ERI2: variants seen among roughly 807,000 people sequenced by gnomAD.
ERI2 encodes the protein ERI1 exoribonuclease 2.
Under a neutral mutation model 46.8 loss-of-function variants are expected in ERI2, and 35 were observed. The observed-to-expected ratio is 0.75, with a 90% CI of 0.57 to 0.99. The LOEUF (loss-of-function observed/expected upper bound fraction) is 0.99, where lower values mean the gene tolerates loss of function less well. Ranked by LOEUF, ERI2 falls within the 50% of genes least tolerant of loss-of-function variation. The pLI is 0.00. For missense variants in ERI2, 695 were observed against 796.2 expected (o/e 0.87, Z 1.53); for synonymous variants, 224 against 271.0 (o/e 0.83, Z 1.70).
chr16:20,785,632 G>A (rs1282749848), intron 10 of ERI2, among the ~76,000 whole-genome samples: 3 of 152,056 alleles, frequency 2.0e-5, no homozygotes, highest in Non-Finnish European at 4.4e-5. Context: ...GAACAACAGT[G>A]GTTATTTTGT....
At chr16:20,806,278 G>C in intron 1 of ERI2, 130 bp downstream of exon 1, 1 of 1,451,214 alleles carries the variant, frequency 6.9e-7, no homozygotes, top group South Asian at 1.4e-5. Flanking sequence ...GAGAGGGCAG[G>C]TCGCAGACGC....
downstream of ERI2, among the ~76,000 whole-genome samples, chr16:20,791,557 T>C (rs1280099905): frequency 1.3e-5 from 2 of 152,242 alleles, no homozygotes; most frequent in African/African-American, 2.4e-5. Flanking sequence ...TTCATCTTTA[T>C]TTTCACAATC....
rs554041477 is a variant in ERI2, at chr16:20,785,106, C to T, written c.895-4372G>A. On this transcript the variant is annotated intron_variant, in intron 10 of 10. Transcript: ENST00000300005. ...TACGAAGGATATGGACAGACTGAAA[C>T]GGTACCTGACCTCACTGAAAAGACA... 91 of 1,612,768 alleles carry T rather than the reference C, an allele frequency of 5.6e-5. No homozygotes were observed. The East Asian group carries it at 1.2e-3, about 21-fold the overall frequency.
At chr16:20,781,057 T>C in intron 10 of ERI2, 1 of 1,614,236 alleles carries the variant, frequency 6.2e-7, no homozygotes, top group Non-Finnish European at 8.5e-7. Context: ...AGTAGTGTTT[T>C]TTCTCCGTGG....
rs1410207783 is a variant in ERI2 at position 20,797,051 on chromosome 16, G to A, written c.*673C>T. ...CTAGAAACCACAAGATGATGGAGAG[G>A]TCATAAAAACTGTGGTAGTATGCTT... On this transcript the variant is annotated 3_prime_UTR_variant, in exon 9 of 9. Coordinates refer to ENST00000357967, the MANE Select transcript of ERI2 (RefSeq NM_001142725.2). The A allele has an allele frequency of 3.5e-5, 54 of 1,537,144 alleles. No homozygotes were observed. The highest frequency in any genetic ancestry group is 4.5e-5 in the Non-Finnish European group (52 of 1,148,220).
rs542203778 is a variant in ERI2 at position 20,780,863 on chromosome 16, C to A, written c.895-129G>T. 2.5e-6 allele frequency: 4 copies of A among 1,614,182 alleles called. No individual in the cohort carries two copies. The African/African-American group carries it at 4.0e-5, about 16-fold the overall frequency. On this transcript the variant is annotated intron_variant, in intron 10 of 10. Coordinates refer to the ERI2 transcript ENST00000300005. ...GGATTATCTGTAAATGGAAGGTATA[C>A]TTTCACAAAAGTGCAGCTTGAAGTG...
intron 10 of ERI2, chr16:20,786,013 C>A: frequency 9.0e-7 from 1 of 1,110,792 alleles, no homozygotes; most frequent in Non-Finnish European, 1.3e-6. Flanking sequence ...TGAATGAATG[C>A]ATGATAGATG....
chr16:20,790,602 G>A lies in ERI2; in HGVS notation c.815+248C>T. The A allele has an allele frequency of 6.2e-7, 1 of 1,613,856 alleles. No homozygotes were observed. Among genetic ancestry groups the A allele is most frequent in the Non-Finnish European group, 8.5e-7 (1 of 1,179,804 alleles). ...TTTATCCTAGATTGTAGATGTAAAT[G>A]GCAATGTTCTACCTCCTGGACAAGA... is the stretch of plus-strand genomic sequence containing the variant. On this transcript the variant is annotated intron_variant, in intron 9 of 10. Transcript: ENST00000300005. The surrounding 1 kb of genome is among the most constrained non-coding windows in gnomAD (Gnocchi z 4.0).
intron 10 of ERI2, among the ~76,000 whole-genome samples, chr16:20,787,608 G>A (rs988721686): frequency 1.3e-5 from 2 of 152,222 alleles, no homozygotes. Context: ...GATCAAATAA[G>A]TTTGAGAGAG....
exon 11 of ERI2, chr16:20,780,207 C>A: frequency 5.5e-6 from 1 of 182,970 alleles, no homozygotes; most frequent in Admixed American, 5.5e-5. Flanking sequence ...TGGGCAATAA[C>A]ATTTTATTTA....
intron 10 of ERI2, chr16:20,781,881 GC>G: frequency 1.1e-6 from 1 of 922,864 alleles, no homozygotes; most frequent in Non-Finnish European, 1.7e-6. Flanking sequence ...ATAGCTCCAA[GC>G]CAGTAGACAC....
chr16:20,792,312 A>G (rs1174055430), downstream of ERI2: 2 of 1,614,110 alleles, frequency 1.2e-6, no homozygotes, highest in Non-Finnish European at 1.7e-6. Flanking sequence ...TGTTGTCAGC[A>G]GCCCAGACCC....
chr16:20,787,080 A>G (rs2080490436), intron 10 of ERI2, among the ~76,000 whole-genome samples: 1 of 152,218 alleles, frequency 6.6e-6, no homozygotes, highest in African/African-American at 2.4e-5. Flanking sequence ...CAAGCTTTAT[A>G]TAGGGTTAAA....
chr16:20,784,910 A>G lies in ERI2; in HGVS notation c.895-4176T>C, dbSNP rs745783736. ...ACTAAAACATTTTATATTGAAGTTC[A>G]TAAGAAATAATCCTTAATCTTCACT... On this transcript the variant is annotated intron_variant, in intron 10 of 10. Coordinates refer to the ERI2 transcript ENST00000300005. 19 of 1,511,102 alleles carry G rather than the reference A, an allele frequency of 1.3e-5. No individual in the cohort carries two copies. The Admixed American group carries it at 1.9e-4, about 15-fold the overall frequency. The allele number at this position is 1,511,102 out of a possible 1,614,324, so 93.6% of individuals were successfully genotyped here.
At chr16:20,804,987 G>A (rs2080840658) in intron 1 of ERI2, among the ~76,000 whole-genome samples, 1 of 152,164 alleles carries the variant, frequency 6.6e-6, no homozygotes, top group Non-Finnish European at 1.5e-5. Context: ...ATTTGCCAAA[G>A]AACATAGCTT....
chr16:20,796,129 TC>T (rs2080717887), downstream of ERI2: 2 of 487,456 alleles, frequency 4.1e-6, no homozygotes, highest in Admixed American at 3.8e-5. Context: ...TTATAAGTAA[TC>T]CCCCATGCTG....
intron 1 of ERI2, 146 bp downstream of exon 1, chr16:20,806,262 G>C: frequency 7.0e-7 from 1 of 1,429,934 alleles, no homozygotes; most frequent in Non-Finnish European, 9.1e-7. Flanking sequence ...CTTTCCAACC[G>C]TGCCAGAGAG....
At chr16:20,783,144 G>C (rs1018921001) in intron 10 of ERI2, 3 of 152,082 alleles carry the variant, frequency 2.0e-5, no homozygotes, top group African/African-American at 4.8e-5. Flanking sequence ...ATTGAGAGTC[G>C]CCTCATGAGA....
chr16:20,792,327 AGAG>A (rs1237335318), downstream of ERI2: 6 of 1,614,028 alleles, frequency 3.7e-6, no homozygotes, highest in Admixed American at 5.0e-5. Context: ...AGACCCCATC[AGAG>A]GAGAGGTAAA....
Sources: allele counts gnomAD v4.1 joint callset (sites outside exome capture counted in the v4.1 genomes callset), GRCh38; gene constraint gnomAD v4.1.1; non-coding constraint Gnocchi (gnomAD v3.1); transcripts MANE v1.5; gene names NCBI Gene and HGNC (gene_info 2026-07-23, HGNC 2026-07-21).